The following MORC1 variants were observed in gnomAD, a reference collection of about 807,000 sequenced individuals.
MORC1 encodes MORC family CW-type zinc finger 1, also known as MORC family CW-type zinc finger protein 1.
In MORC1, 59 loss-of-function variants were observed where a neutral mutation model predicts 134.9. The observed-to-expected ratio is 0.44, with a 90% confidence interval of 0.35 to 0.54. The LOEUF (loss-of-function observed/expected upper bound fraction) is 0.54, where lower values mean the gene tolerates loss of function less well. Among genes scored for constraint, MORC1 ranks in the 20% least tolerant of loss-of-function variants. The pLI is 0.00. For synonymous variants in MORC1, 395 were observed against 391.7 expected, an observed-to-expected ratio of 1.01 and a Z score of -0.10; for missense variants, 947 against 1,134.5, an observed-to-expected ratio of 0.83 and a Z score of 2.37.
intron 17 of MORC1, among the ~76,000 whole-genome samples, chr3:109,017,263 T>C (rs1414093990): frequency 2.6e-5 from 4 of 152,166 alleles, no homozygotes; most frequent in African/African-American, 9.7e-5. Context: ...AATTTAATAA[T>C]CTAATGGAAT....
At chr3:109,052,284 T>C (rs977912885) in intron 14 of MORC1, among the ~76,000 whole-genome samples, 2 of 152,058 alleles carry the variant, frequency 1.3e-5, no homozygotes, top group African/African-American at 2.4e-5. Context: ...AAAAAATACA[T>C]GTGGAAAAAG....
chr3:108,965,851 C>T (rs1012614955), intron 26 of MORC1, among the ~76,000 whole-genome samples: 2 of 152,076 alleles, frequency 1.3e-5, no homozygotes, highest in African/African-American at 2.4e-5. Flanking sequence ...ACTATTAATA[C>T]GAGATGAGAC....
At chr3:109,091,951 AG>A (rs1443796023) in intron 8 of MORC1, among the ~76,000 whole-genome samples, 1 of 152,224 alleles carries the variant, frequency 6.6e-6, no homozygotes, top group Non-Finnish European at 1.5e-5. Context: ...ATCTTTCCAA[AG>A]ATGTAGCTGT....
intron 14 of MORC1, among the ~76,000 whole-genome samples, chr3:109,040,765 G>C (rs1274253710): frequency 6.8e-6 from 1 of 146,088 alleles, no homozygotes; most frequent in Non-Finnish European, 1.5e-5. Flanking sequence ...GGGAGGCAGA[G>C]GTTGCAGTGA....
In MORC1 at chr3:108,981,090, A is replaced by G. The variant is rs1000364963; in HGVS notation, c.2325-1423T>C. ...TGTTGATGAGACTAAAGCTTTCAGTACCATAGGGGGAAAAAAGTACAAGAG... is the reference window on the plus strand; with the variant it reads ...TGTTGATGAGACTAAAGCTTTCAGTGCCATAGGGGGAAAAAAGTACAAGAG... On this transcript the variant is annotated intron_variant, in intron 23 of 27. Coordinates refer to ENST00000232603, the MANE Select transcript of MORC1 (RefSeq NM_014429.4). Among the ~76,000 whole-genome samples, 3 of 152,148 alleles carry G rather than the reference A, an allele frequency of 2.0e-5. No individual in the cohort carries two copies. The East Asian group carries it at 5.8e-4, about 29-fold the overall frequency.
chr3:108,976,770 G>C (rs1176699547), intron 24 of MORC1, among the ~76,000 whole-genome samples: 1 of 152,146 alleles, frequency 6.6e-6, no homozygotes, highest in Non-Finnish European at 1.5e-5. Context: ...GTTGGTAACA[G>C]TATGATGATT....
chr3:109,102,928 AG>A (rs1224693434), intron 4 of MORC1, among the ~76,000 whole-genome samples: 4 of 152,202 alleles, frequency 2.6e-5, no homozygotes, highest in Non-Finnish European at 5.9e-5. Flanking sequence ...AATTATCCGA[AG>A]TCAGAACAAA....
chr3:109,104,017 CACAGAGTG>C, intron 3 of MORC1, 100 bp from the exon 4 acceptor site: 3 of 1,068,576 alleles, frequency 2.8e-6, no homozygotes, highest in Non-Finnish European at 4.3e-6. Flanking sequence ...CCAATGCAGC[CACAGAGTG>C]ACAGAGTTAT....
Position 109,004,869 on chromosome 3 carries a change from A to G in MORC1, c.2033T>C (p.Ile678Thr). 1 of 1,613,606 alleles carries G rather than the reference A, an allele frequency of 6.2e-7. No homozygotes were observed. Among genetic ancestry groups the G allele is most frequent in the Non-Finnish European group, 8.5e-7 (1 of 1,179,880 alleles). The change falls in exon 20 of 28, where the codon ATT becomes ACT. Residue 678 changes from isoleucine to threonine, a missense_variant. This residue lies in a region of MORC1 where 722 missense variants were observed against 817.0 expected (regional missense o/e 0.88). Transcript: ENST00000232603. ...ERSQRSQIAN[I>T]TTVWRAQPTE... is the part of the protein sequence containing the mutation. ...TGGTTGAGCTCTCCAGACAGTGGTA[A>G]TATTAGCAATCTGACTTCTCTTTCA...
rs539151634 is a variant in MORC1, at chr3:109,117,060, T to C, written c.65+935A>G. Among the ~76,000 whole-genome samples, 15 of 152,328 alleles carry C rather than the reference T, an allele frequency of 9.8e-5. No individual in the cohort carries two copies. In the East Asian group the frequency reaches 2.3e-3, roughly 23 times the overall value. ...TTTTTCTTAAACTCACTCGAAACTA[T>C]TATTTCTTCATTTGTCTTCCACCTC... On this transcript the variant is annotated intron_variant, in intron 1 of 27. Transcript: ENST00000232603.
intron 21 of MORC1, among the ~76,000 whole-genome samples, chr3:108,996,286 GCACACACA>G (rs66629906): frequency 2.0e-5 from 3 of 146,382 alleles, no homozygotes; most frequent in Admixed American, 6.8e-5. Flanking sequence ...GCGCGCGCGC[GCACACACA>G]CACACACACA....
chr3:109,040,483 A>AGAAG (rs1949508677), intron 14 of MORC1, among the ~76,000 whole-genome samples: 1 of 147,160 alleles, frequency 6.8e-6, no homozygotes, highest in African/African-American at 2.6e-5. Context: ...AAAGAAAGAA[A>AGAAG]GAAAGGAAAG....
At chr3:109,039,894 T>TA (rs1205349095) in intron 14 of MORC1, among the ~76,000 whole-genome samples, 5 of 152,146 alleles carry the variant, frequency 3.3e-5, no homozygotes, top group African/African-American at 7.2e-5. Context: ...GTCTTTTTTT[T>TA]ACCTCCTTTC....
intron 18 of MORC1, 47 bp from the exon 19 acceptor site, chr3:109,005,362 T>A (rs1482337521): frequency 1.3e-6 from 2 of 1,484,894 alleles, no homozygotes; most frequent in Non-Finnish European, 1.8e-6. Context: ...GATAGCCTAT[T>A]TATAATTAAT....
At chr3:109,027,942 A>G (rs1243900177) in intron 16 of MORC1, 53 bp from the exon 17 acceptor site, 2 of 1,570,110 alleles carry the variant, frequency 1.3e-6, no homozygotes, top group Admixed American at 3.7e-5. Flanking sequence ...AAAACTACTT[A>G]CTGTCTGTAA....
chr3:109,061,101 A>G (rs1456779882), intron 11 of MORC1, among the ~76,000 whole-genome samples: 1 of 152,136 alleles, frequency 6.6e-6, no homozygotes. Context: ...AGGACCTTAG[A>G]TATGAAAGGT....
At chr3:109,007,947 G>GTGTGTGTGTGTT (rs1215404794) in intron 17 of MORC1, among the ~76,000 whole-genome samples, 1 of 151,874 alleles carries the variant, frequency 6.6e-6, no homozygotes, top group East Asian at 1.9e-4. Context: ...ATATATGTGT[G>GTGTGTGTGTGTT]TGTGTGTGTG....
chr3:109,094,880 T>C (rs761590895), intron 7 of MORC1, 29 bp downstream of exon 7: 2 of 1,531,724 alleles, frequency 1.3e-6, no homozygotes, highest in Non-Finnish European at 1.7e-6. Flanking sequence ...AATACTTCCA[T>C]CAAATTGTCA....
intron 8 of MORC1, 61 bp downstream of exon 8, chr3:109,093,375 A>G: frequency 3.2e-6 from 4 of 1,256,078 alleles, no homozygotes; most frequent in East Asian, 2.3e-5. Context: ...GCCAGGATGC[A>G]GGGCTCCTAA....
Sources: gnomAD v4.1 joint callset for allele counts (sites outside exome capture counted in the v4.1 genomes callset) on GRCh38, gnomAD v4.1.1 for gene constraint, gnomAD v4.1.1 regional missense constraint, MANE v1.5 for transcripts, NCBI Gene and HGNC (gene_info 2026-07-23, HGNC 2026-07-21) for gene names.